The following RFC3 variants were observed in gnomAD, a reference collection of about 807,000 sequenced individuals.
The protein encoded by RFC3 is replication factor C subunit 3.
RFC3 carries 41 observed loss-of-function variants against 45.1 expected under a neutral mutation model. That is an observed-to-expected ratio of 0.91 (90% CI 0.71 to 1.18). The LOEUF is 1.18. Among genes scored for constraint, RFC3 ranks in the 50% most tolerant of loss-of-function variants. RFC3 has a pLI of 0.00. For missense variants in RFC3, 423 were observed against 428.1 expected (o/e 0.99, Z 0.10); for synonymous variants, 149 against 144.0 (o/e 1.03, Z -0.25).
chr13:33,910,521 G>C (rs1444306259), intron 8 of RFC3, among the ~76,000 whole-genome samples: 1 of 152,094 alleles, frequency 6.6e-6, no homozygotes, highest in Non-Finnish European at 1.5e-5. Context: ...GTGCAGGGAA[G>C]CACTTGGCCC....
At chr13:33,841,682 C>T (rs1467335436), downstream of RFC3, among the ~76,000 whole-genome samples, 1 of 152,142 alleles carries the variant, frequency 6.6e-6, no homozygotes, top group Non-Finnish European at 1.5e-5. Context: ...GCATAGGGGT[C>T]TATGCCCTTA....
intron 8 of RFC3, among the ~76,000 whole-genome samples, chr13:33,935,145 T>C (rs1360618886): frequency 2.6e-5 from 4 of 152,150 alleles, no homozygotes; most frequent in South Asian, 4.1e-4. Context: ...ATTTTTTTTT[T>C]CAAATGTCAA....
intron 2 of RFC3, 77 bp downstream of exon 2, chr13:33,821,346 C>A: frequency 7.3e-7 from 1 of 1,377,030 alleles, no homozygotes; most frequent in South Asian, 1.2e-5. Context: ...GTCCCCCCAA[C>A]TCAGTTGCTT....
chr13:33,962,726 C>A (rs150706531), intron 8 of RFC3, among the ~76,000 whole-genome samples: 6 of 152,178 alleles, frequency 3.9e-5, no homozygotes, highest in Non-Finnish European at 7.4e-5. Flanking sequence ...ATAAAAGATT[C>A]TAAGTTCCAA....
intron 8 of RFC3, among the ~76,000 whole-genome samples, chr13:33,916,113 T>G (rs2082731759): frequency 6.6e-6 from 1 of 152,164 alleles, no homozygotes; most frequent in Non-Finnish European, 1.5e-5. Context: ...ATAACTATAT[T>G]TCTAAATGAC....
At chr13:33,954,165 C>T (rs2083006969) in intron 8 of RFC3, among the ~76,000 whole-genome samples, 1 of 152,184 alleles carries the variant, frequency 6.6e-6, no homozygotes, top group African/African-American at 2.4e-5. Flanking sequence ...AATAACCTCT[C>T]ATTATCTTTG....
chr13:33,902,588 G>T (rs1038316167), intron 8 of RFC3, among the ~76,000 whole-genome samples: 2 of 151,998 alleles, frequency 1.3e-5, no homozygotes, highest in African/African-American at 4.8e-5. Context: ...AGATAGTTTA[G>T]TTGCATATAA....
rs942801949 is a variant in RFC3, at chr13:33,904,251, C to G, written c.880-61836C>G. Among the ~76,000 whole-genome samples, 4 of 152,104 alleles carry G rather than the reference C, an allele frequency of 2.6e-5. 1 individual carries two copies. Among genetic ancestry groups the G allele is most frequent in the Admixed American group, 2.6e-4 (4 of 15,252 alleles). On this transcript the variant is annotated intron_variant, in intron 8 of 8. Transcript: ENST00000434425. ...ATGGATGACTGCATCTTCTTCCATG[C>G]CCAAAACTATATAGTTTCTAAAAAA...
intron 8 of RFC3, among the ~76,000 whole-genome samples, chr13:33,945,740 T>C (rs994233513): frequency 6.6e-6 from 1 of 152,216 alleles, no homozygotes; most frequent in Non-Finnish European, 1.5e-5. Context: ...TAGTTCACGC[T>C]CAGATGAACC....
chr13:33,839,721 A>G (rs2082183689), downstream of RFC3, among the ~76,000 whole-genome samples: 1 of 152,134 alleles, frequency 6.6e-6, no homozygotes, highest in Non-Finnish European at 1.5e-5. Context: ...GTAGACTCAA[A>G]TTTCAGTCTG....
intron 3 of RFC3, among the ~76,000 whole-genome samples, chr13:33,825,577 C>A (rs897619024): frequency 2.0e-5 from 3 of 151,986 alleles, no homozygotes; most frequent in Admixed American, 2.0e-4. Context: ...CTTAATGTAA[C>A]AACATATTTA....
At chr13:33,953,148 T>A (rs902744248) in intron 8 of RFC3, among the ~76,000 whole-genome samples, 8 of 152,158 alleles carry the variant, frequency 5.3e-5, no homozygotes, top group African/African-American at 1.9e-4. Flanking sequence ...TAGTTTACAA[T>A]TCCTATATGA....
At chr13:33,916,618 C>T (rs1221356156) in intron 8 of RFC3, among the ~76,000 whole-genome samples, 1 of 152,156 alleles carries the variant, frequency 6.6e-6, no homozygotes, top group Non-Finnish European at 1.5e-5. Context: ...AGGCCACTCA[C>T]AGGGAGCAGC....
At chr13:33,930,565 C>G (rs1411721319) in intron 8 of RFC3, among the ~76,000 whole-genome samples, 2 of 152,104 alleles carry the variant, frequency 1.3e-5, no homozygotes, top group Non-Finnish European at 2.9e-5. Flanking sequence ...TCTGAGTCCA[C>G]TGACTCAAAT....
intron 8 of RFC3, among the ~76,000 whole-genome samples, chr13:33,899,210 A>C (rs2082622516): frequency 8.1e-6 from 1 of 123,164 alleles, no homozygotes; most frequent in African/African-American, 4.1e-5. Flanking sequence ...AAGACAAAAA[A>C]AAAAAAAAAA....
intron 8 of RFC3, among the ~76,000 whole-genome samples, chr13:33,914,751 A>G (rs2082723285): frequency 6.6e-6 from 1 of 152,154 alleles, no homozygotes; most frequent in South Asian, 2.1e-4. Flanking sequence ...TTATGCAGCT[A>G]TTTATAATGT....
In RFC3 at chr13:33,847,060, C is replaced by T. The variant is rs144946980; in HGVS notation, c.879+11843C>T. The T allele has an allele frequency of 3.5e-3, 537 of 152,416 alleles. 2 individuals carry two copies. The highest frequency in any genetic ancestry group is 0.019 in the South Asian group (93 of 4,820). The allele number at this position is 152,416 out of a possible 1,614,324, so 9.4% of individuals were successfully genotyped here. On this transcript the variant is annotated intron_variant, in intron 8 of 8. Transcript: ENST00000434425. ...GGGATTACAGACACCTGCCACCACA[C>T]CCGGCTAATTTTTGTATTTTTAGTA...
intron 8 of RFC3, among the ~76,000 whole-genome samples, chr13:33,887,752 A>G (rs1405137099): frequency 6.6e-6 from 1 of 151,972 alleles, no homozygotes; most frequent in Non-Finnish European, 1.5e-5. Flanking sequence ...TAGGGTTTTT[A>G]TGGTTTTAGG....
chr13:33,837,540 A>C (rs2082166714), downstream of RFC3: 1 of 152,078 alleles, frequency 6.6e-6, no homozygotes, highest in African/African-American at 2.4e-5. Context: ...ATTTGTCTTG[A>C]GTAACTACGT....
Sources: gnomAD v4.1 joint callset for allele counts (sites outside exome capture counted in the v4.1 genomes callset) on GRCh38, gnomAD v4.1.1 for gene constraint, MANE v1.5 for transcripts, NCBI Gene and HGNC (gene_info 2026-07-23, HGNC 2026-07-21) for gene names.